SNTG1: variants seen among roughly 807,000 people sequenced by gnomAD.
SNTG1 encodes the protein gamma-1-syntrophin.
Under a neutral mutation model 74.7 loss-of-function variants are expected in SNTG1, and 39 were observed. That is an observed-to-expected ratio of 0.52 (90% CI 0.40 to 0.68). The LOEUF (loss-of-function observed/expected upper bound fraction) is 0.68. Among genes scored for constraint, SNTG1 ranks in the 30% least tolerant of loss-of-function variants. SNTG1 has a pLI of 0.00. For synonymous variants in SNTG1, 254 were observed against 217.1 expected, an observed-to-expected ratio of 1.17 and a Z score of -1.49; for missense variants, 685 against 609.5, an observed-to-expected ratio of 1.12 and a Z score of -1.30.
intron 17 of SNTG1, among the ~76,000 whole-genome samples, chr8:50,740,014 A>G (rs1196677753): frequency 4.0e-4 from 61 of 152,206 alleles, no homozygotes; most frequent in Admixed American, 3.9e-3. Context: ...CAAACTATAA[A>G]AACTCTGGAA....
At chr8:49,957,390 A>G (rs1810272953) in intron 1 of SNTG1, among the ~76,000 whole-genome samples, 2 of 152,202 alleles carry the variant, frequency 1.3e-5, no homozygotes, top group South Asian at 4.1e-4. Flanking sequence ...ATTATTAACT[A>G]CAGTTGTTGT....
intron 2 of SNTG1, among the ~76,000 whole-genome samples, chr8:50,268,119 A>C (rs2087574611): frequency 6.6e-6 from 1 of 152,366 alleles, no homozygotes; most frequent in South Asian, 2.1e-4. Context: ...ACTAATAATA[A>C]ACATGAGGAA....
At chr8:50,484,169 C>CTTCT (rs2093768104) in intron 8 of SNTG1, among the ~76,000 whole-genome samples, 1 of 86,072 alleles carries the variant, frequency 1.2e-5, no homozygotes, top group Admixed American at 1.4e-4. Flanking sequence ...TCCTTCCTTC[C>CTTCT]TTCCTTCCTT....
intron 4 of SNTG1, among the ~76,000 whole-genome samples, chr8:50,403,304 G>A (rs1286590614): frequency 6.6e-6 from 1 of 152,200 alleles, no homozygotes; most frequent in African/African-American, 2.4e-5. Flanking sequence ...CCCTATGGGA[G>A]TCACACAAGG....
intron 2 of SNTG1, among the ~76,000 whole-genome samples, chr8:50,182,591 A>AT (rs1297551135): frequency 6.6e-6 from 1 of 151,908 alleles, no homozygotes; most frequent in African/African-American, 2.4e-5. Context: ...AACAGGAAGC[A>AT]TTTTTTCAAG....
At chr8:49,957,363 A>G (rs1810270531) in intron 1 of SNTG1, among the ~76,000 whole-genome samples, 1 of 152,230 alleles carries the variant, frequency 6.6e-6, no homozygotes, top group Non-Finnish European at 1.5e-5. Context: ...AATGAAATGA[A>G]TTCATTTTCT....
At chr8:50,664,390 T>C (rs1275040201) in intron 15 of SNTG1, among the ~76,000 whole-genome samples, 2 of 152,110 alleles carry the variant, frequency 1.3e-5, no homozygotes. Flanking sequence ...GAGAAAAAGC[T>C]CATGATGCAG....
chr8:50,678,439 A>G lies in SNTG1; in HGVS notation c.1038+19776A>G, dbSNP rs184396237. On this transcript the variant is annotated intron_variant, in intron 15 of 18. Coordinates refer to ENST00000642720, the MANE Select transcript of SNTG1 (RefSeq NM_018967.5). ...TTCTTACTATATCCAGACAAGTCCT[A>G]TTTCTGGAAAATGTGGTTGGACAGG... 5.9e-5 allele frequency among the ~76,000 whole-genome samples: 9 copies of G among 152,172 alleles called. No individual in the cohort carries two copies. In the East Asian group the frequency reaches 1.7e-3, roughly 30 times the overall value.
At chr8:50,101,273 A>C (rs2080114672) in intron 1 of SNTG1, among the ~76,000 whole-genome samples, 1 of 152,074 alleles carries the variant, frequency 6.6e-6, no homozygotes, top group South Asian at 2.1e-4. Flanking sequence ...GTAGAAAATT[A>C]ATATTCCTTT....
intron 1 of SNTG1, among the ~76,000 whole-genome samples, chr8:50,150,101 T>A (rs1369069500): frequency 2.0e-5 from 3 of 152,206 alleles, no homozygotes; most frequent in Admixed American, 2.0e-4. Context: ...CTTGAAGAGG[T>A]CCTTCACATC....
Position 50,391,371 on chromosome 8 carries a change from G to GT in SNTG1, c.-27-2838dup, listed in dbSNP as rs1375841590. ...TGGTTCTGTTTATATGCTGGATTAC[G>GT]TTTATTGATTTGTGTATGTTGAACC... On this transcript the variant is annotated intron_variant, in intron 2 of 18. Coordinates refer to ENST00000642720, the MANE Select transcript of SNTG1 (RefSeq NM_018967.5). Among the ~76,000 whole-genome samples, 3 of 152,082 alleles carry GT rather than the reference G, an allele frequency of 2.0e-5. No individual in the cohort carries two copies. In the East Asian group the frequency reaches 5.8e-4, roughly 29 times the overall value.
chr8:50,726,724 C>A (rs375613439), intron 17 of SNTG1, among the ~76,000 whole-genome samples: 11 of 152,244 alleles, frequency 7.2e-5, no homozygotes, highest in African/African-American at 2.6e-4. Context: ...TGGCGGACGC[C>A]TGTAGTCCCA....
At chr8:50,070,176 A>G (rs917109336) in intron 1 of SNTG1, among the ~76,000 whole-genome samples, 14 of 152,334 alleles carry the variant, frequency 9.2e-5, no homozygotes, top group Middle Eastern at 3.4e-3. Context: ...GAAGAAGAAC[A>G]TGTTCACTGG....
chr8:50,050,008 A>G (rs532778276), intron 1 of SNTG1, among the ~76,000 whole-genome samples: 1 of 151,994 alleles, frequency 6.6e-6, no homozygotes, highest in Non-Finnish European at 1.5e-5. Flanking sequence ...TATAAAATAA[A>G]TATTGAAATC....
chr8:50,689,252 T>C (rs1287167984), intron 15 of SNTG1, among the ~76,000 whole-genome samples: 5 of 152,184 alleles, frequency 3.3e-5, no homozygotes, highest in Non-Finnish European at 7.3e-5. Flanking sequence ...TTTCTTCTCC[T>C]GCCTGATTGC....
chr8:50,056,953 C>G (rs1820076795), intron 1 of SNTG1, among the ~76,000 whole-genome samples: 1 of 152,182 alleles, frequency 6.6e-6, no homozygotes, highest in Non-Finnish European at 1.5e-5. Flanking sequence ...ACCATGTCAT[C>G]TACCCTGTGT....
In SNTG1 at chr8:50,220,820, A is replaced by G. The variant is rs565712018; in HGVS notation, c.-28+48185A>G. Among the ~76,000 whole-genome samples the G allele has an allele frequency of 1.1e-4, 17 of 152,316 alleles. No homozygotes were observed. In the South Asian group the frequency reaches 3.5e-3, roughly 32 times the overall value. The stretch of plus-strand genomic sequence containing the variant: ...TGAAGACTTCTATTTCCCAATAAAG[A>G]TATGATCCTACCATCATTCTCTCCC... On this transcript the variant is annotated intron_variant, in intron 2 of 18. Coordinates refer to ENST00000642720, the MANE Select transcript of SNTG1 (RefSeq NM_018967.5).
At chr8:50,674,267 T>C (rs921559742) in intron 15 of SNTG1, among the ~76,000 whole-genome samples, 15 of 152,234 alleles carry the variant, frequency 9.9e-5, no homozygotes, top group African/African-American at 3.4e-4. Flanking sequence ...CTCCTTTTTG[T>C]ACCTCTGGTA....
chr8:50,280,316 G>A (rs1024123500), intron 2 of SNTG1, among the ~76,000 whole-genome samples: 19 of 152,170 alleles, frequency 1.2e-4, no homozygotes, highest in African/African-American at 3.6e-4. Context: ...TGCATTTGGA[G>A]GACAGTCAGT....
Sources: gnomAD v4.1 joint callset for allele counts (sites outside exome capture counted in the v4.1 genomes callset) on GRCh38, gnomAD v4.1.1 for gene constraint, MANE v1.5 for transcripts, NCBI Gene and HGNC (gene_info 2026-07-23, HGNC 2026-07-21) for gene names.